The following VAT1L variants were observed in gnomAD, a reference collection of about 807,000 sequenced individuals.
The protein encoded by VAT1L is vesicle amine transport 1 like, also known as putative NADPH-dependent quinone oxidoreductase VAT1L.
Under a neutral mutation model 44.1 loss-of-function variants are expected in VAT1L, and 34 were observed. The ratio of observed to expected loss-of-function variants is 0.77; its 90% confidence interval spans 0.59 to 1.03. VAT1L has a LOEUF of 1.03. VAT1L is among the 50% of genes least tolerant of loss of function. VAT1L has a pLI of 0.00. For missense variants in VAT1L, 615 were observed against 538.8 expected (o/e 1.14, Z -1.40); for synonymous variants, 253 against 202.2 (o/e 1.25, Z -2.13).
intron 7 of VAT1L, among the ~76,000 whole-genome samples, chr16:77,925,524 C>T (rs1056880589): frequency 2.0e-5 from 3 of 152,206 alleles, no homozygotes; most frequent in Middle Eastern, 3.4e-3. Context: ...TTTTCTCTGC[C>T]CAGAGTCAAT....
At chr16:77,803,852 T>A (rs2016109270) in intron 1 of VAT1L, among the ~76,000 whole-genome samples, 1 of 152,070 alleles carries the variant, frequency 6.6e-6, no homozygotes, top group African/African-American at 2.4e-5. Flanking sequence ...CTCTATCTTC[T>A]CCCCTCTGTG....
intron 1 of VAT1L, among the ~76,000 whole-genome samples, chr16:77,798,342 T>G (rs1232074312): frequency 2.6e-5 from 4 of 152,250 alleles, no homozygotes; most frequent in African/African-American, 9.6e-5. Flanking sequence ...AAGCTTGAAT[T>G]CAAATCCTAG....
chr16:77,838,002 G>C (rs1355681746), intron 3 of VAT1L, among the ~76,000 whole-genome samples: 1 of 152,170 alleles, frequency 6.6e-6, no homozygotes, highest in Non-Finnish European at 1.5e-5. Context: ...AAAGAAAGCC[G>C]ATCTCATCTC....
At chr16:77,976,538 A>AT (rs1439454026) in intron 8 of VAT1L, among the ~76,000 whole-genome samples, 1 of 152,168 alleles carries the variant, frequency 6.6e-6, no homozygotes, top group Non-Finnish European at 1.5e-5. Context: ...AGAATAAGCC[A>AT]TGAAGCAGCC....
chr16:77,858,230 A>G (rs2016881176), intron 3 of VAT1L, among the ~76,000 whole-genome samples: 1 of 152,108 alleles, frequency 6.6e-6, no homozygotes, highest in Admixed American at 6.5e-5. Context: ...AACCAACTCT[A>G]TCTGGGATGC....
intron 7 of VAT1L, among the ~76,000 whole-genome samples, chr16:77,907,333 G>T (rs74983073): frequency 0.028 from 4,242 of 152,274 alleles, 194 homozygotes; most frequent in African/African-American, 0.096. Flanking sequence ...CACTTTTGCT[G>T]GTCTCCTGTG....
chr16:77,821,806 A>C (rs2016457607), intron 2 of VAT1L, among the ~76,000 whole-genome samples: 1 of 152,050 alleles, frequency 6.6e-6, no homozygotes, highest in Non-Finnish European at 1.5e-5. Flanking sequence ...AGCAATAAGA[A>C]GAGATGTCAG....
At chr16:77,929,132 T>C (rs530493626) in intron 7 of VAT1L, among the ~76,000 whole-genome samples, 1 of 152,270 alleles carries the variant, frequency 6.6e-6, no homozygotes, top group East Asian at 1.9e-4. Context: ...ATTTTTATGC[T>C]GTGTGATACT....
chr16:77,924,387 G>A (rs918606661), intron 7 of VAT1L, among the ~76,000 whole-genome samples: 1 of 151,942 alleles, frequency 6.6e-6, no homozygotes, highest in Admixed American at 6.6e-5. Flanking sequence ...ATGAGAGCCG[G>A]GAATGAGCAC....
intron 3 of VAT1L, among the ~76,000 whole-genome samples, chr16:77,834,669 G>T (rs781279078): frequency 1.3e-5 from 2 of 151,664 alleles, no homozygotes; most frequent in Non-Finnish European, 2.9e-5. Context: ...AGCTTTATGT[G>T]AGCAAGGGAG....
At chr16:77,924,444 C>G (rs1228082741) in intron 7 of VAT1L, among the ~76,000 whole-genome samples, 2 of 151,954 alleles carry the variant, frequency 1.3e-5, no homozygotes, top group East Asian at 3.9e-4. Context: ...CCACCCACTT[C>G]TTATTTTCCT....
At chr16:77,913,702 T>C (rs1385597593) in intron 7 of VAT1L, among the ~76,000 whole-genome samples, 1 of 152,108 alleles carries the variant, frequency 6.6e-6, no homozygotes, top group Non-Finnish European at 1.5e-5. Context: ...TTTGACATGG[T>C]TGGAGGGGGA....
chr16:77,844,678 G>C (rs2050791714), intron 3 of VAT1L, among the ~76,000 whole-genome samples: 1 of 152,018 alleles, frequency 6.6e-6, no homozygotes, highest in African/African-American at 2.4e-5. Context: ...GAAAGTGCTG[G>C]GATTACAGGC....
intron 7 of VAT1L, among the ~76,000 whole-genome samples, chr16:77,970,919 G>T (rs753434458): frequency 6.6e-6 from 1 of 152,076 alleles, no homozygotes; most frequent in African/African-American, 2.4e-5. Flanking sequence ...TAGGCTAGAC[G>T]CAACATTTAA....
intron 8 of VAT1L, among the ~76,000 whole-genome samples, chr16:77,975,447 G>C (rs901961688): frequency 6.6e-6 from 1 of 152,042 alleles, no homozygotes; most frequent in African/African-American, 2.4e-5. Context: ...CCTGACCTCA[G>C]GTGATCTGCC....
chr16:77,862,810 T>C lies in VAT1L; in HGVS notation c.642T>C (p.Ser214=), dbSNP rs779387537. 6.2e-7 allele frequency: 1 copy of C among 1,613,946 alleles called. No individual in the cohort carries two copies. The highest frequency in any genetic ancestry group is 1.3e-5 in the African/African-American group (1 of 74,874). Residue 214 remains serine, a synonymous_variant, in exon 4 of 9, where the codon TCT becomes TCC. Transcript: ENST00000302536. ...VPNVTVFGTA[S]TFKHEAIKDS... ...ACGTGACTGTCTTTGGAACAGCCTCTACTTTCAAGCATGAAGCAATCAAAG... is the reference window on the plus strand; with the variant it reads ...ACGTGACTGTCTTTGGAACAGCCTCCACTTTCAAGCATGAAGCAATCAAAG...
intron 3 of VAT1L, among the ~76,000 whole-genome samples, chr16:77,839,173 G>A (rs1428163430): frequency 1.3e-5 from 2 of 152,130 alleles, no homozygotes; most frequent in Non-Finnish European, 2.9e-5. Context: ...GAGGACTGAT[G>A]TCTGAAGGAG....
At position 77,884,468 on chromosome 16, in the gene VAT1L, GCAACC is replaced by G. The variant is rs1265413803; in HGVS notation, c.883-138_883-134del. On this transcript the variant is annotated intron_variant, in intron 6 of 8. Transcript: ENST00000302536. The surrounding 1 kb of genome is among the most constrained non-coding windows in gnomAD (Gnocchi z 4.5). ...AAAATAAAAAAATACACCACCAAGA[GCAACC>G]CCTTGGCCAGCTGGAATCTGCTGAG... 2 of 659,236 alleles carry G rather than the reference GCAACC, an allele frequency of 3.0e-6. No homozygotes were observed. The highest frequency in any genetic ancestry group is 4.8e-6 in the Non-Finnish European group (2 of 415,176). The allele number at this position is 659,236 out of a possible 1,614,324, so 40.8% of individuals were successfully genotyped here. A position where few individuals can be genotyped will look rare whatever the true frequency, so the allele number is the denominator to read the frequency against.
chr16:77,815,902 A>T, intron 1 of VAT1L, among the ~76,000 whole-genome samples: 1 of 149,390 alleles, frequency 6.7e-6, no homozygotes, highest in Non-Finnish European at 1.5e-5. Context: ...CGGGAGGTGG[A>T]GGTTGCAGTG....
Sources: gnomAD v4.1 joint callset for allele counts (sites outside exome capture counted in the v4.1 genomes callset) on GRCh38, gnomAD v4.1.1 for gene constraint, Gnocchi (gnomAD v3.1) non-coding constraint, MANE v1.5 for transcripts, NCBI Gene and HGNC (gene_info 2026-07-23, HGNC 2026-07-21) for gene names.